PDE7B: variants seen among roughly 807,000 people sequenced by gnomAD.
PDE7B encodes the protein phosphodiesterase 7B.
In PDE7B, 29 loss-of-function variants were observed where a neutral mutation model predicts 56.2. That is an observed-to-expected ratio of 0.52 (90% CI 0.38 to 0.70). PDE7B has a LOEUF of 0.70. Ranked by LOEUF, PDE7B falls within the 30% of genes least tolerant of loss-of-function variation. PDE7B has a pLI of 0.00. For missense variants in PDE7B, 490 were observed against 565.0 expected, an observed-to-expected ratio of 0.87 and a Z score of 1.35; for synonymous variants, 197 against 196.9, an observed-to-expected ratio of 1.00 and a Z score of 0.00.
chr6:136,108,386 T>C (rs2128217915), intron 2 of PDE7B, among the ~76,000 whole-genome samples: 1 of 152,210 alleles, frequency 6.6e-6, no homozygotes, highest in East Asian at 1.9e-4. Context: ...GAACGAAAGC[T>C]ACAATGCAAC....
At chr6:136,024,977 G>A (rs992147833) in intron 2 of PDE7B, among the ~76,000 whole-genome samples, 1 of 152,136 alleles carries the variant, frequency 6.6e-6, no homozygotes, top group Non-Finnish European at 1.5e-5. Context: ...GCACGTTTGT[G>A]CTCTTGGGGG....
chr6:136,004,570 G>A (rs926771867), intron 2 of PDE7B, among the ~76,000 whole-genome samples: 2 of 151,666 alleles, frequency 1.3e-5, no homozygotes, highest in African/African-American at 4.8e-5. Context: ...CAGACAAACA[G>A]AGAGCCAAAT....
chr6:135,995,797 C>A (rs1447470691), intron 2 of PDE7B, among the ~76,000 whole-genome samples: 1 of 151,952 alleles, frequency 6.6e-6, no homozygotes, highest in African/African-American at 2.4e-5. Context: ...ATAGTCTAAA[C>A]TTATTTGTAA....
intron 2 of PDE7B, among the ~76,000 whole-genome samples, chr6:136,040,730 C>T (rs1484896019): frequency 6.6e-6 from 1 of 152,172 alleles, no homozygotes; most frequent in African/African-American, 2.4e-5. Flanking sequence ...TTGCCTCAGT[C>T]TCCTCAATTT....
chr6:136,038,259 C>T lies in PDE7B; in HGVS notation c.83-70472C>T, dbSNP rs1242316375. On this transcript the variant is annotated intron_variant, in intron 2 of 12. Coordinates refer to ENST00000308191, the MANE Select transcript of PDE7B (RefSeq NM_018945.4). ...AGCAGCAGCAGCAGCACCACCACCACCACTACCTCCTCTTCTGGGGCACAA... is the reference window on the plus strand; with the variant it reads ...AGCAGCAGCAGCAGCACCACCACCATCACTACCTCCTCTTCTGGGGCACAA... The T allele has an allele frequency of 4.6e-6, 6 of 1,299,630 alleles. No homozygotes were observed. In the African/African-American group the frequency reaches 7.6e-5, roughly 16 times the overall value. The allele number at this position is 1,299,630 out of a possible 1,614,324, so 80.5% of individuals were successfully genotyped here.
At chr6:136,077,744 T>C (rs1301931037) in intron 2 of PDE7B, among the ~76,000 whole-genome samples, 2 of 152,202 alleles carry the variant, frequency 1.3e-5, no homozygotes, top group African/African-American at 4.8e-5. Flanking sequence ...TGCACTAATA[T>C]GTGTTAAAAG....
At chr6:136,156,387 A>G (rs977711796) in intron 8 of PDE7B, among the ~76,000 whole-genome samples, 13 of 152,188 alleles carry the variant, frequency 8.5e-5, no homozygotes, top group African/African-American at 3.1e-4. Context: ...AGGTCTCACT[A>G]TGTTGCCCAG....
intron 1 of PDE7B, among the ~76,000 whole-genome samples, chr6:135,874,682 G>T (rs1325961240): frequency 6.6e-6 from 1 of 152,156 alleles, no homozygotes; most frequent in Non-Finnish European, 1.5e-5. Context: ...ATGTAGAAAT[G>T]AACATATTTT....
rs535860930 is a variant in PDE7B, at chr6:136,194,750, G to C, written c.*2910G>C. The C allele has an allele frequency of 6.6e-6, 1 of 152,278 alleles. No homozygotes were observed. The highest frequency in any genetic ancestry group is 2.4e-5 in the African/African-American group (1 of 41,452). 9.4% of individuals were successfully genotyped at this position (152,278 alleles called of 1,614,324 possible). A position where few individuals can be genotyped will look rare whatever the true frequency, so the allele number is the denominator to read the frequency against. ...TACTAAAAATACAAAAATTAGCTGG[G>C]CATGGCAGTGCGTGCCTGCAATCCC... is the stretch of plus-strand genomic sequence containing the variant. On this transcript the variant is annotated 3_prime_UTR_variant, in exon 13 of 13. Coordinates refer to ENST00000308191, the MANE Select transcript of PDE7B (RefSeq NM_018945.4).
intron 2 of PDE7B, among the ~76,000 whole-genome samples, chr6:135,972,707 C>G (rs1775114601): frequency 6.6e-6 from 1 of 152,152 alleles, no homozygotes; most frequent in East Asian, 1.9e-4. Flanking sequence ...TTAGCTACCA[C>G]TGTTGCATCA....
At chr6:136,077,242 G>A (rs1368062431) in intron 2 of PDE7B, among the ~76,000 whole-genome samples, 4 of 152,094 alleles carry the variant, frequency 2.6e-5, no homozygotes, top group South Asian at 2.1e-4. Context: ...AAAAATCTCC[G>A]ATCCACTGTG....
At chr6:136,005,418 A>G (rs1314753660) in intron 2 of PDE7B, among the ~76,000 whole-genome samples, 1 of 152,074 alleles carries the variant, frequency 6.6e-6, no homozygotes, top group African/African-American at 2.4e-5. Context: ...TGAACAGGCA[A>G]CCTACAAAAT....
intron 8 of PDE7B, among the ~76,000 whole-genome samples, chr6:136,166,864 C>T (rs1778802213): frequency 6.6e-6 from 1 of 152,174 alleles, no homozygotes; most frequent in Non-Finnish European, 1.5e-5. Flanking sequence ...TTTTACTCCT[C>T]CCAAACCCTT....
chr6:136,023,753 AATAG>A (rs1776108294), intron 2 of PDE7B, among the ~76,000 whole-genome samples: 1 of 152,208 alleles, frequency 6.6e-6, no homozygotes, highest in Non-Finnish European at 1.5e-5. Context: ...TAGCTATAGA[AATAG>A]ATAGATACAG....
intron 2 of PDE7B, among the ~76,000 whole-genome samples, chr6:136,049,681 A>G (rs1410378696): frequency 6.6e-6 from 1 of 152,186 alleles, no homozygotes; most frequent in African/African-American, 2.4e-5. Flanking sequence ...TGGTGAGGGA[A>G]TAAACGTGAA....
intron 2 of PDE7B, among the ~76,000 whole-genome samples, chr6:136,039,380 T>A (rs1776378492): frequency 6.6e-6 from 1 of 152,038 alleles, no homozygotes; most frequent in African/African-American, 2.4e-5. Flanking sequence ...AGAACATGAG[T>A]GTGTGTTTAT....
chr6:135,889,560 C>G (rs1163493823), intron 1 of PDE7B, among the ~76,000 whole-genome samples: 1 of 147,162 alleles, frequency 6.8e-6, no homozygotes, highest in Non-Finnish European at 1.5e-5. Flanking sequence ...CCTGCCTCAG[C>G]CTCCTGAGTA....
At chr6:135,990,773 A>G (rs1178178065) in intron 2 of PDE7B, among the ~76,000 whole-genome samples, 1 of 152,244 alleles carries the variant, frequency 6.6e-6, no homozygotes, top group African/African-American at 2.4e-5. Context: ...CCAGACCCCA[A>G]GAGAGGGTTC....
At chr6:136,136,438 T>C (rs1029100672) in intron 3 of PDE7B, among the ~76,000 whole-genome samples, 3 of 152,044 alleles carry the variant, frequency 2.0e-5, no homozygotes, top group Admixed American at 2.0e-4. Flanking sequence ...GATATGTGAA[T>C]AAGAGTGAAC....
Sources: allele counts gnomAD v4.1 joint callset (sites outside exome capture counted in the v4.1 genomes callset), GRCh38; gene constraint gnomAD v4.1.1; transcripts MANE v1.5; gene names NCBI Gene and HGNC (gene_info 2026-07-23, HGNC 2026-07-21).